DROSHA: variants seen among roughly 807,000 people sequenced by gnomAD.
DROSHA encodes the protein drosha ribonuclease III.
DROSHA carries 56 observed loss-of-function variants against 181.9 expected under a neutral mutation model. The ratio of observed to expected loss-of-function variants is 0.31; its 90% CI spans 0.25 to 0.38. DROSHA has a LOEUF of 0.38. DROSHA is among the 10% of genes least tolerant of loss of function. The pLI is 1.00. For missense variants in DROSHA, 1,218 were observed against 1,743.5 expected (o/e 0.70, Z 5.37); for synonymous variants, 524 against 591.2 (o/e 0.89, Z 1.65).
At chr5:31,447,266 G>T (rs1478178130) in intron 23 of DROSHA, among the ~76,000 whole-genome samples, 2 of 152,144 alleles carry the variant, frequency 1.3e-5, no homozygotes, top group Non-Finnish European at 2.9e-5. Context: ...AGAGGATAAG[G>T]AATAATAACT....
At chr5:31,515,601 G>A (rs968962517) in intron 6 of DROSHA, 37 bp from the exon 7 acceptor site, 2 of 1,550,128 alleles carry the variant, frequency 1.3e-6, no homozygotes, top group Admixed American at 3.9e-5. Flanking sequence ...GTTTGGAAAT[G>A]TCCACATATG....
At chr5:31,506,695 CA>C (rs35766843) in intron 10 of DROSHA, among the ~76,000 whole-genome samples, 65,546 of 125,658 alleles carry the variant, frequency 0.52, 18,376 homozygotes, top group Non-Finnish European at 0.67. Flanking sequence ...GACTCCGTCT[CA>C]AAAAAAAAAA....
At chr5:31,445,283 G>A (rs905930776) in intron 23 of DROSHA, among the ~76,000 whole-genome samples, 1 of 152,152 alleles carries the variant, frequency 6.6e-6, no homozygotes, top group African/African-American at 2.4e-5. Context: ...CTTCCATTCA[G>A]TTGTCAAACT....
At position 31,470,706 on chromosome 5, in the gene DROSHA, G is replaced by A. The variant is rs1386967469; in HGVS notation, c.2241+1357C>T. ...TATCCTTAAGCCAGGGTATCCTTAA[G>A]TTTTTTTTTAAACTCTCCAGCTGAT... is the stretch of plus-strand genomic sequence containing the variant. On this transcript the variant is annotated intron_variant, in intron 17 of 35. Coordinates refer to ENST00000344624, the MANE Select transcript of DROSHA (RefSeq NM_001382508.1). This position sits in a 1 kb window ranked among gnomAD's most constrained non-coding sequence, Gnocchi z 4.0. Among the ~76,000 whole-genome samples the A allele has an allele frequency of 6.6e-6, 1 of 151,432 alleles. No homozygotes were observed. Among genetic ancestry groups the A allele is most frequent in the South Asian group, 2.1e-4 (1 of 4,784 alleles).
intron 11 of DROSHA, 44 bp from the exon 12 acceptor site, chr5:31,495,416 G>A: frequency 6.5e-7 from 1 of 1,540,916 alleles, no homozygotes; most frequent in Non-Finnish European, 8.9e-7. Flanking sequence ...TAAAGCAAGA[G>A]TACTTTTACT....
intron 25 of DROSHA, among the ~76,000 whole-genome samples, chr5:31,435,357 A>C (rs1203361360): frequency 6.6e-6 from 1 of 152,242 alleles, no homozygotes; most frequent in African/African-American, 2.4e-5. Context: ...AATGGTCTGT[A>C]ATATTCTGTT....
intron 25 of DROSHA, among the ~76,000 whole-genome samples, chr5:31,434,101 GGAA>G (rs1385287360): frequency 6.6e-6 from 1 of 152,176 alleles, no homozygotes; most frequent in East Asian, 1.9e-4. Flanking sequence ...TGGGCTTGGT[GGAA>G]GAAGACCACA....
At chr5:31,492,031 T>C (rs905793674) in intron 13 of DROSHA, among the ~76,000 whole-genome samples, 8 of 152,210 alleles carry the variant, frequency 5.3e-5, no homozygotes, top group African/African-American at 1.9e-4. Flanking sequence ...TGACCTCAAG[T>C]GATCTGCCTA....
intron 13 of DROSHA, among the ~76,000 whole-genome samples, chr5:31,490,422 T>C (rs1329186210): frequency 2.0e-5 from 3 of 152,092 alleles, no homozygotes; most frequent in Admixed American, 2.0e-4. Context: ...CCTCAAGCAA[T>C]TCCCTTGCCT....
In DROSHA at chr5:31,494,824, G is replaced by A. The variant is rs373429505; in HGVS notation, c.1755+462C>T. On this transcript the variant is annotated intron_variant, in intron 12 of 35. Coordinates refer to ENST00000344624, the MANE Select transcript of DROSHA (RefSeq NM_001382508.1). The stretch of plus-strand genomic sequence containing the variant: ...CGAGTAGCTGGGACTACAGGTGCCC[G>A]CCACCATGCCCGGCTAATTTTTTGT... Among the ~76,000 whole-genome samples the A allele has an allele frequency of 8.5e-3, 1,286 of 151,592 alleles. 23 individuals are homozygous for A. The highest frequency in any genetic ancestry group is 0.029 in the African/African-American group (1,207 of 41,026).
At chr5:31,524,100 C>T (rs918706209) in intron 5 of DROSHA, among the ~76,000 whole-genome samples, 2 of 151,962 alleles carry the variant, frequency 1.3e-5, no homozygotes, top group Non-Finnish European at 2.9e-5. Context: ...TAAAGTCTAC[C>T]AACTCTCACT....
chr5:31,413,009 A>G (rs1741503001), intron 30 of DROSHA, among the ~76,000 whole-genome samples: 1 of 152,170 alleles, frequency 6.6e-6, no homozygotes, highest in South Asian at 2.1e-4. Context: ...AGCCGTGTAT[A>G]TGGAATGTTC....
intron 26 of DROSHA, among the ~76,000 whole-genome samples, chr5:31,430,419 G>C (rs1198863456): frequency 1.3e-5 from 2 of 152,136 alleles, no homozygotes; most frequent in Non-Finnish European, 2.9e-5. Context: ...AGTTGATTTG[G>C]GGGGACAGCT....
At chr5:31,510,824 A>AGATC (rs1370516140) in intron 9 of DROSHA, among the ~76,000 whole-genome samples, 5 of 152,240 alleles carry the variant, frequency 3.3e-5, no homozygotes, top group African/African-American at 1.2e-4. Context: ...CTTGCAAATG[A>AGATC]GATCGCTGCT....
intron 20 of DROSHA, 69 bp from the exon 21 acceptor site, chr5:31,451,709 A>G: frequency 8.0e-7 from 1 of 1,254,746 alleles, no homozygotes. Context: ...TTATTTTACA[A>G]CAAGCCAGAA....
In DROSHA at chr5:31,402,950, T is replaced by G. The variant is rs1203187060; in HGVS notation, c.3995-1388A>C. Among the ~76,000 whole-genome samples, 9 of 152,182 alleles carry G rather than the reference T, an allele frequency of 5.9e-5. No individual in the cohort carries two copies. In the East Asian group the frequency reaches 1.7e-3, roughly 29 times the overall value. On this transcript the variant is annotated intron_variant, in intron 35 of 35. Coordinates refer to ENST00000344624, the MANE Select transcript of DROSHA (RefSeq NM_001382508.1). ...GGCGTGTGCCACCACAACCGGCTAATTTTTGTATTTTTAGTCGAGATGGGG... is the reference window on the plus strand; with the variant it reads ...GGCGTGTGCCACCACAACCGGCTAAGTTTTGTATTTTTAGTCGAGATGGGG...
intron 20 of DROSHA, among the ~76,000 whole-genome samples, chr5:31,463,031 T>C (rs1469912243): frequency 6.6e-6 from 1 of 152,108 alleles, no homozygotes; most frequent in Admixed American, 6.6e-5. Context: ...ATGTCCACCT[T>C]TGGATGACAT....
At chr5:31,511,282 AT>A in intron 8 of DROSHA, 106 bp from the exon 9 acceptor site, 1 of 1,087,240 alleles carries the variant, frequency 9.2e-7, no homozygotes, top group Non-Finnish European at 1.3e-6. Context: ...GCAAGATGCT[AT>A]TTTTCAACCC....
intron 12 of DROSHA, among the ~76,000 whole-genome samples, chr5:31,493,583 C>T (rs1440671914): frequency 6.6e-6 from 1 of 152,168 alleles, no homozygotes; most frequent in Non-Finnish European, 1.5e-5. Context: ...TCTCACAATA[C>T]TACCAGTTCT....
Sources: allele counts gnomAD v4.1 joint callset (sites outside exome capture counted in the v4.1 genomes callset), GRCh38; gene constraint gnomAD v4.1.1; non-coding constraint Gnocchi (gnomAD v3.1); transcripts MANE v1.5; gene names NCBI Gene and HGNC (gene_info 2026-07-23, HGNC 2026-07-21).